The following TNS3 variants were observed in gnomAD, a reference collection of about 807,000 sequenced individuals.
TNS3 encodes the protein tensin 3.
Under a neutral mutation model 140.9 loss-of-function variants are expected in TNS3, and 45 were observed. That is an observed-to-expected ratio of 0.32 (90% CI 0.25 to 0.41). TNS3 has a LOEUF of 0.41. TNS3 is among the 10% of genes least tolerant of loss of function. The pLI, the probability that TNS3 is intolerant of heterozygous loss-of-function variation, is 1.00. For synonymous variants in TNS3, 815 were observed against 788.4 expected, an observed-to-expected ratio of 1.03 and a Z score of -0.56; for missense variants, 1,716 against 1,906.7, an observed-to-expected ratio of 0.90 and a Z score of 1.86.
chr7:47,380,346 C>T (rs1474512831), intron 16 of TNS3, among the ~76,000 whole-genome samples: 1 of 152,234 alleles, frequency 6.6e-6, no homozygotes, highest in African/African-American at 2.4e-5. Context: ...ACACAGGGGC[C>T]CAAGCCCAGA....
Position 47,344,767 on chromosome 7 carries a change from T to C in TNS3, c.2638A>G (p.Lys880Glu), listed in dbSNP as rs1789227511. 4.3e-6 allele frequency: 7 copies of C among 1,612,672 alleles called. No homozygotes were observed. The highest frequency in any genetic ancestry group is 2.2e-5 in the South Asian group (2 of 91,028). Residue 880 changes from lysine (K) to glutamate (E), a missense_variant, in exon 20 of 31, where the codon AAA becomes GAA. This residue lies in a region of TNS3 where 1,163 missense variants were observed against 1,182.1 expected (regional missense o/e 0.98). Transcript: ENST00000311160. Reference sequence around the variant, plus strand: ...GTAGATTTCTTACCACGTCCTCCTTTGTGCTGACTGGCTGGGCTGCTCAGC... The same window carrying C: ...GTAGATTTCTTACCACGTCCTCCTTCGTGCTGACTGGCTGGGCTGCTCAGC... ...PPLSSPASQH[K>E]GGREPRSCPE...
At chr7:47,547,666 G>C (rs1799957635) in intron 1 of TNS3, among the ~76,000 whole-genome samples, 1 of 152,088 alleles carries the variant, frequency 6.6e-6, no homozygotes, top group African/African-American at 2.4e-5. Flanking sequence ...CAGACTTCCA[G>C]GAGCCCTCAG....
At chr7:47,470,310 G>A in intron 4 of TNS3, 2 of 409,536 alleles carry the variant, frequency 4.9e-6, no homozygotes, top group Non-Finnish European at 6.6e-6. Context: ...TCATACACAT[G>A]TACACTCTAT....
intron 8 of TNS3, among the ~76,000 whole-genome samples, chr7:47,429,193 G>A (rs1300965141): frequency 1.3e-5 from 2 of 152,148 alleles, no homozygotes; most frequent in Admixed American, 1.3e-4. Flanking sequence ...AAGATTCCAT[G>A]CCATGTGAAA....
rs1327385863 is a variant in TNS3 at position 47,496,192 on chromosome 7, G to GA, written c.-115+10714dup. On this transcript the variant is annotated intron_variant, in intron 3 of 30. Transcript: ENST00000311160. ...CAGTTCAAAAACTGAATGGTGGTCT[G>GA]AAAAAAGGGGTAGTAAGATAAGCAC... 3.3e-5 allele frequency among the ~76,000 whole-genome samples: 5 copies of GA among 152,140 alleles called. No individual in the cohort carries two copies. The East Asian group carries it at 5.8e-4, about 18-fold the overall frequency.
At chr7:47,283,982 G>T in intron 27 of TNS3, 117 bp from the exon 28 acceptor site, 2 of 963,192 alleles carry the variant, frequency 2.1e-6, no homozygotes, top group Non-Finnish European at 2.9e-6. Context: ...TGCGCATGTG[G>T]CCTATGCTGG....
At chr7:47,557,497 G>C (rs1050131795) in intron 1 of TNS3, among the ~76,000 whole-genome samples, 10 of 152,182 alleles carry the variant, frequency 6.6e-5, no homozygotes, top group African/African-American at 2.4e-4. Flanking sequence ...GTCCATTTCT[G>C]CAATGCCTTT....
At chr7:47,567,904 G>A (rs1584863968) in intron 1 of TNS3, among the ~76,000 whole-genome samples, 2 of 152,292 alleles carry the variant, frequency 1.3e-5, no homozygotes, top group Middle Eastern at 6.8e-3. Context: ...TCAGTAATAA[G>A]GAACAAGCTG....
intron 2 of TNS3, among the ~76,000 whole-genome samples, chr7:47,515,977 C>A (rs1404082275): frequency 1.3e-5 from 2 of 152,202 alleles, no homozygotes; most frequent in East Asian, 3.9e-4. Context: ...CTCCACCACG[C>A]TCTGCTGCTT....
In TNS3 at chr7:47,541,675, G is replaced by A. The variant is rs1221814146; in HGVS notation, c.-264-12528C>T. 3.9e-5 allele frequency among the ~76,000 whole-genome samples: 6 copies of A among 152,102 alleles called. No homozygotes were observed. In the East Asian group the frequency reaches 7.7e-4, roughly 20 times the overall value. On this transcript the variant is annotated intron_variant, in intron 1 of 30. Coordinates refer to ENST00000311160, the MANE Select transcript of TNS3 (RefSeq NM_022748.12). ...TAGAAGCAAATGACCGAGGCCGGGC[G>A]CAGTGACTCACGCCTGTAATCCCAG...
chr7:47,409,600 A>G (rs1793647910), intron 13 of TNS3, among the ~76,000 whole-genome samples: 2 of 151,784 alleles, frequency 1.3e-5, no homozygotes, highest in Admixed American at 1.3e-4. Flanking sequence ...CACTACGCAA[A>G]CAAGATGAGG....
intron 17 of TNS3, among the ~76,000 whole-genome samples, chr7:47,352,316 A>C (rs1789730881): frequency 6.6e-6 from 1 of 152,074 alleles, no homozygotes; most frequent in Non-Finnish European, 1.5e-5. Flanking sequence ...ATTCAGTCTC[A>C]GTCTTGTACA....
rs765514967 is a variant in TNS3 at position 47,368,475 on chromosome 7, C to T, written c.2171G>A (p.Gly724Asp). The change falls in exon 17 of 31, where the codon GGT (glycine) becomes GAT (aspartate). Residue 724 changes from glycine (G) to aspartate (D), a missense_variant. Transcript: ENST00000311160. The stretch of plus-strand genomic sequence containing the variant: ...AGACACAGAGCCATTGGCCTGGCTA[C>T]CGAGGGCGTTCATGTGGGTAGGGAT... ...EPIPTHMNAL[G>D]SQANGSVSPD... The T allele has an allele frequency of 2.5e-6, 4 of 1,591,996 alleles. No homozygotes were observed. In the South Asian group the frequency reaches 3.4e-5, roughly 13 times the overall value.
chr7:47,530,838 A>AAAATAT, intron 1 of TNS3, among the ~76,000 whole-genome samples: 567 of 54,538 alleles, frequency 0.01, 35 homozygotes, highest in African/African-American at 0.042. Context: ...AAAAAAAAAA[A>AAAATAT]ATATATATAT....
intron 4 of TNS3, among the ~76,000 whole-genome samples, chr7:47,443,637 T>G (rs755618011): frequency 5.3e-5 from 8 of 152,168 alleles, no homozygotes; most frequent in Admixed American, 2.0e-4. Flanking sequence ...GTATTTAGAA[T>G]ACGGCCGGGC....
At chr7:47,350,258 C>G (rs1789587238) in intron 17 of TNS3, among the ~76,000 whole-genome samples, 1 of 152,208 alleles carries the variant, frequency 6.6e-6, no homozygotes, top group African/African-American at 2.4e-5. Flanking sequence ...GGAAGGGGCA[C>G]TCTTCCTCCC....
chr7:47,308,357 T>G (rs1228210963), intron 20 of TNS3, among the ~76,000 whole-genome samples: 1 of 152,220 alleles, frequency 6.6e-6, no homozygotes, highest in Non-Finnish European at 1.5e-5. Context: ...TCTACTTAAC[T>G]TTTTGAACAC....
chr7:47,336,892 T>C (rs577489673), intron 20 of TNS3, among the ~76,000 whole-genome samples: 1 of 152,336 alleles, frequency 6.6e-6, no homozygotes, highest in East Asian at 1.9e-4. Flanking sequence ...CAGACTCTCC[T>C]TGACCAAACC....
intron 13 of TNS3, among the ~76,000 whole-genome samples, chr7:47,404,842 C>G (rs1409045367): frequency 6.6e-6 from 1 of 151,892 alleles, no homozygotes; most frequent in Non-Finnish European, 1.5e-5. Flanking sequence ...CAAGATTGCA[C>G]CACTGTACTC....
Sources: allele counts gnomAD v4.1 joint callset (sites outside exome capture counted in the v4.1 genomes callset), GRCh38; gene constraint gnomAD v4.1.1; regional missense constraint gnomAD v4.1.1; transcripts MANE v1.5; gene names NCBI Gene and HGNC (gene_info 2026-07-23, HGNC 2026-07-21).